The following ST7 variants were observed in gnomAD, a reference collection of about 807,000 sequenced individuals.
ST7 encodes the protein suppressor of tumorigenicity 7 protein.
ST7 carries 28 observed loss-of-function variants against 78.7 expected under a neutral mutation model. The observed-to-expected ratio is 0.36, with a 90% confidence interval of 0.26 to 0.49. The LOEUF (loss-of-function observed/expected upper bound fraction) is 0.49, where lower values mean the gene tolerates loss of function less well. ST7 is among the 20% of genes least tolerant of loss of function. The probability of loss-of-function intolerance (pLI) is 0.99; values close to 1 mark genes in which losing one functional copy is unlikely to be tolerated. For synonymous variants in ST7, 247 were observed against 249.6 expected (o/e 0.99, Z 0.10); for missense variants, 418 against 696.0 (o/e 0.60, Z 4.49).
chr7:116,955,308 A>G (rs1163974079), intron 1 of ST7, among the ~76,000 whole-genome samples: 2 of 152,206 alleles, frequency 1.3e-5, no homozygotes, highest in African/African-American at 4.8e-5. Flanking sequence ...ATTTTTAAAG[A>G]ACACATTTTA....
intron 1 of ST7, among the ~76,000 whole-genome samples, chr7:116,991,377 C>T (rs978310679): frequency 2.0e-5 from 3 of 152,156 alleles, no homozygotes; most frequent in Non-Finnish European, 4.4e-5. Context: ...TTTAATTGGA[C>T]TTACAGTTCC....
chr7:117,011,429 A>C (rs1195963090), intron 1 of ST7, among the ~76,000 whole-genome samples: 5 of 152,146 alleles, frequency 3.3e-5, no homozygotes. Context: ...ATTGGTTTAA[A>C]GTAGAGTCCA....
At chr7:117,041,694 A>G (rs1447400507) in intron 1 of ST7, among the ~76,000 whole-genome samples, 1 of 152,148 alleles carries the variant, frequency 6.6e-6, no homozygotes. Context: ...GAAAAATAAG[A>G]AAGCCTCTTT....
At chr7:117,134,837 A>G (rs2117043623) in intron 7 of ST7, among the ~76,000 whole-genome samples, 1 of 151,998 alleles carries the variant, frequency 6.6e-6, no homozygotes, top group Admixed American at 6.6e-5. Context: ...TTTTCTCCCT[A>G]CCTCACCACA....
intron 9 of ST7, among the ~76,000 whole-genome samples, chr7:117,170,418 A>C (rs1807899558): frequency 6.6e-6 from 1 of 152,162 alleles, no homozygotes. Context: ...TAAAAATACG[A>C]AATGCTGTAA....
chr7:117,094,312 C>A (rs374800631), intron 1 of ST7, among the ~76,000 whole-genome samples: 1 of 152,236 alleles, frequency 6.6e-6, no homozygotes. Context: ...CGCTCTACCC[C>A]TCACTGTTCC....
At chr7:117,198,470 T>C in intron 12 of ST7, 1 of 325,716 alleles carries the variant, frequency 3.1e-6, no homozygotes, top group Non-Finnish European at 6.1e-6. Flanking sequence ...GCCTCCAGAT[T>C]TGAGGGGAGG....
At chr7:117,151,792 C>T (rs778242686) in intron 9 of ST7, among the ~76,000 whole-genome samples, 4 of 151,962 alleles carry the variant, frequency 2.6e-5, no homozygotes, top group Admixed American at 1.3e-4. Context: ...CCCAAATCCT[C>T]GTAAAACTCA....
intron 1 of ST7, among the ~76,000 whole-genome samples, chr7:116,990,020 A>G (rs1229521764): frequency 2.0e-5 from 3 of 152,114 alleles, no homozygotes; most frequent in African/African-American, 4.8e-5. Context: ...GGCTCACTGC[A>G]TCCTCTGCCT....
At chr7:116,992,548 C>T (rs1226783835) in intron 1 of ST7, among the ~76,000 whole-genome samples, 4 of 152,202 alleles carry the variant, frequency 2.6e-5, no homozygotes, top group Non-Finnish European at 5.9e-5. Context: ...GGACCCTGGC[C>T]CCTGCCCATG....
In ST7 at chr7:117,009,558, A is replaced by G. The variant is rs570078606; in HGVS notation, c.151+55867A>G. 3.9e-5 allele frequency among the ~76,000 whole-genome samples: 6 copies of G among 152,310 alleles called. No homozygotes were observed. In the South Asian group the frequency reaches 1.0e-3, roughly 26 times the overall value. On this transcript the variant is annotated intron_variant, in intron 1 of 15. Transcript: ENST00000323984. ...CTGTCAGGATGTAAAATGAATAAGC[A>G]TATTTATTGTTGGATTCATATTTGT...
chr7:117,153,377 G>A (rs944908798), intron 9 of ST7, among the ~76,000 whole-genome samples: 1 of 152,186 alleles, frequency 6.6e-6, no homozygotes, highest in African/African-American at 2.4e-5. Context: ...GAAGTTCTGG[G>A]AAGGATCAGC....
At chr7:116,996,889 T>C (rs972083021) in intron 1 of ST7, among the ~76,000 whole-genome samples, 2 of 152,182 alleles carry the variant, frequency 1.3e-5, no homozygotes, top group Non-Finnish European at 2.9e-5. Context: ...AGAAAAGGAT[T>C]CGATAGCCAG....
rs373363332 is a variant in ST7 at position 117,212,356 on chromosome 7, A to T, written c.1405+2419A>T. Among the ~76,000 whole-genome samples, 61 of 152,190 alleles carry T rather than the reference A, an allele frequency of 4.0e-4. No individual in the cohort carries two copies. In the South Asian group the frequency reaches 0.013, roughly 32 times the overall value. On this transcript the variant is annotated intron_variant, in intron 13 of 15. Transcript: ENST00000323984. ...GCCACTGTTGGGGAGCCAGGATGTA[A>T]ACCCAAGGTCACTTTTCCTTCACTG...
chr7:117,077,421 T>C (rs1445925295), intron 1 of ST7, among the ~76,000 whole-genome samples: 3 of 152,230 alleles, frequency 2.0e-5, no homozygotes, highest in African/African-American at 4.8e-5. Flanking sequence ...CAGTGATTTA[T>C]AAATATTGTC....
rs1803302823 is a variant in ST7 at position 117,120,744 on chromosome 7, C to A, written c.394+1024C>A. Among the ~76,000 whole-genome samples, 4 of 152,286 alleles carry A rather than the reference C, an allele frequency of 2.6e-5. No homozygotes were observed. In the South Asian group the frequency reaches 8.3e-4, roughly 32 times the overall value. ...TTACCTTTAGCAACACATCAAATTA[C>A]ATTGTAATTTTTAAGGTATGGCTTT... On this transcript the variant is annotated intron_variant, in intron 3 of 15. Transcript: ENST00000323984.
At chr7:117,098,894 G>A (rs749797001) in intron 1 of ST7, 2 of 1,202,472 alleles carry the variant, frequency 1.7e-6, no homozygotes, top group Non-Finnish European at 2.2e-6. Flanking sequence ...TAAAATATAT[G>A]TATAAAATAC....
intron 1 of ST7, among the ~76,000 whole-genome samples, chr7:116,994,624 G>A (rs780563648): frequency 2.0e-5 from 3 of 151,980 alleles, no homozygotes; most frequent in Non-Finnish European, 2.9e-5. Flanking sequence ...ACCAATGGAC[G>A]CAATGTTTTT....
At chr7:117,079,730 T>C (rs1223398957) in intron 1 of ST7, among the ~76,000 whole-genome samples, 1 of 152,180 alleles carries the variant, frequency 6.6e-6, no homozygotes, top group Non-Finnish European at 1.5e-5. Flanking sequence ...TTTAAAAATA[T>C]TTAAGACTAG....
Sources: allele counts gnomAD v4.1 joint callset (sites outside exome capture counted in the v4.1 genomes callset), GRCh38; gene constraint gnomAD v4.1.1; transcripts MANE v1.5; gene names NCBI Gene and HGNC (gene_info 2026-07-23, HGNC 2026-07-21).